REEP1: variants seen among roughly 807,000 people sequenced by gnomAD.
REEP1 encodes the protein receptor expression-enhancing protein 1.
Under a neutral mutation model 40.3 loss-of-function variants are expected in REEP1, and 22 were observed. The ratio of observed to expected loss-of-function variants is 0.55; its 90% CI spans 0.39 to 0.78. The LOEUF (loss-of-function observed/expected upper bound fraction) is 0.78. Ranked by LOEUF, REEP1 falls within the 30% of genes least tolerant of loss-of-function variation. The probability of loss-of-function intolerance (pLI) is 0.00; values close to 1 mark genes in which losing one functional copy is unlikely to be tolerated. For missense variants in REEP1, 280 were observed against 361.1 expected, an observed-to-expected ratio of 0.78 and a Z score of 1.82; for synonymous variants, 116 against 139.2, an observed-to-expected ratio of 0.83 and a Z score of 1.17.
intron 1 of REEP1, among the ~76,000 whole-genome samples, chr2:86,320,014 A>C (rs1680208748): frequency 6.6e-6 from 1 of 152,258 alleles, no homozygotes; most frequent in Non-Finnish European, 1.5e-5. Flanking sequence ...TCTAGTCTGC[A>C]GAACTGTGAG....
chr2:86,235,291 A>T (rs1462086890), intron 5 of REEP1, among the ~76,000 whole-genome samples: 1 of 152,202 alleles, frequency 6.6e-6, no homozygotes, highest in East Asian at 1.9e-4. Context: ...TTCAAATTCC[A>T]GCCCTGTCAT....
At chr2:86,298,647 T>C (rs1344461995) in intron 1 of REEP1, among the ~76,000 whole-genome samples, 2 of 152,232 alleles carry the variant, frequency 1.3e-5, no homozygotes, top group African/African-American at 4.8e-5. Flanking sequence ...AACTGGGCCC[T>C]CTACCCTCCA....
intron 1 of REEP1, among the ~76,000 whole-genome samples, chr2:86,335,573 G>A (rs374237533): frequency 2.6e-5 from 4 of 152,222 alleles, no homozygotes; most frequent in Non-Finnish European, 4.4e-5. Context: ...GGGAGGAGCC[G>A]GGCGTGGTAG....
intron 1 of REEP1, among the ~76,000 whole-genome samples, chr2:86,301,900 C>T (rs1679270538): frequency 6.6e-6 from 1 of 152,266 alleles, no homozygotes. Context: ...CCCACATTTG[C>T]TGCTGGGATT....
chr2:86,261,756 G>A (rs1032197187), intron 3 of REEP1, among the ~76,000 whole-genome samples: 3 of 152,320 alleles, frequency 2.0e-5, no homozygotes, highest in Middle Eastern at 6.8e-3. Context: ...ATAAGAGGAA[G>A]GCATGCCTTT....
At chr2:86,298,799 G>A (rs1183993535) in intron 1 of REEP1, among the ~76,000 whole-genome samples, 1 of 152,232 alleles carries the variant, frequency 6.6e-6, no homozygotes, top group Non-Finnish European at 1.5e-5. Flanking sequence ...GCAGGAAGGA[G>A]AATGGTCAAA....
intron 5 of REEP1, among the ~76,000 whole-genome samples, chr2:86,242,755 A>T (rs1675731258): frequency 6.6e-6 from 1 of 152,198 alleles, no homozygotes; most frequent in African/African-American, 2.4e-5. Flanking sequence ...TACAGGACTT[A>T]AACAGGAAGG....
chr2:86,228,192 C>T (rs774212151), intron 6 of REEP1, among the ~76,000 whole-genome samples: 18 of 152,188 alleles, frequency 1.2e-4, no homozygotes, highest in Non-Finnish European at 2.2e-4. Flanking sequence ...ACCCTGTGTC[C>T]TCACTGCACA....
At position 86,253,694 on chromosome 2, in the gene REEP1, C is replaced by T. The variant is rs566968384; in HGVS notation, c.303+1000G>A. Among the ~76,000 whole-genome samples, 78 of 152,336 alleles carry T rather than the reference C, an allele frequency of 5.1e-4. 1 individual carries two copies. The highest frequency in any genetic ancestry group is 5.0e-3 in the Admixed American group (77 of 15,304). ...CACCCTTCTGAGACAGGAAGTGCTG[C>T]GGTCCGAGTTCCTAAAGAGATTTTC... is the stretch of plus-strand genomic sequence containing the variant. On this transcript the variant is annotated intron_variant, in intron 4 of 8. Transcript: ENST00000538924.
intron 5 of REEP1, among the ~76,000 whole-genome samples, chr2:86,234,784 G>A (rs561017851): frequency 6.6e-4 from 101 of 152,346 alleles, no homozygotes; most frequent in South Asian, 2.5e-3. Flanking sequence ...AAGGTCTCAC[G>A]TCCTTGGCAG....
intron 1 of REEP1, among the ~76,000 whole-genome samples, chr2:86,316,286 C>T (rs1486796367): frequency 6.6e-6 from 1 of 152,040 alleles, no homozygotes. Flanking sequence ...CGCCTGTAAT[C>T]CTAGCACTTT....
chr2:86,249,625 A>T lies in REEP1; in HGVS notation c.417+2332T>A, dbSNP rs538331645. 7.2e-5 allele frequency among the ~76,000 whole-genome samples: 11 copies of T among 152,212 alleles called. No individual in the cohort carries two copies. The East Asian group carries it at 7.7e-4, about 11-fold the overall frequency. ...GCACATCTGAGAATCTATTAAAAAA[A>T]AAATAAAAAGCAAAGCTCTCCAGGT... is the stretch of plus-strand genomic sequence containing the variant. On this transcript the variant is annotated intron_variant, in intron 5 of 8. Coordinates refer to ENST00000538924, the MANE Select transcript of REEP1 (RefSeq NM_001371279.1).
At chr2:86,223,363 C>T (rs1272729232) in intron 7 of REEP1, 4 of 152,300 alleles carry the variant, frequency 2.6e-5, no homozygotes, top group Non-Finnish European at 4.4e-5. Context: ...AGGGCTGCCG[C>T]ACCCCTGCAG....
chr2:86,259,589 T>G (rs1354485731), intron 3 of REEP1, among the ~76,000 whole-genome samples: 1 of 151,978 alleles, frequency 6.6e-6, no homozygotes, highest in Non-Finnish European at 1.5e-5. Context: ...GGTTTCACCA[T>G]GTTTGCCAGG....
chr2:86,302,721 A>G (rs1452678010), intron 1 of REEP1, among the ~76,000 whole-genome samples: 2 of 152,218 alleles, frequency 1.3e-5, no homozygotes, highest in Non-Finnish European at 2.9e-5. Context: ...TGTTAAGTGG[A>G]AATGCAAGAT....
chr2:86,229,839 C>A (rs1299228038), intron 6 of REEP1, among the ~76,000 whole-genome samples: 1 of 151,888 alleles, frequency 6.6e-6, no homozygotes, highest in Non-Finnish European at 1.5e-5. Context: ...CTTGAACTCC[C>A]GACCTCTGGT....
chr2:86,255,713 A>C (rs1258092831), intron 3 of REEP1, among the ~76,000 whole-genome samples: 1 of 152,178 alleles, frequency 6.6e-6, no homozygotes, highest in East Asian at 1.9e-4. Context: ...GAGATTTATA[A>C]AATAATCACA....
chr2:86,288,502 C>A (rs1345627090), intron 1 of REEP1, among the ~76,000 whole-genome samples: 1 of 152,130 alleles, frequency 6.6e-6, no homozygotes, highest in Non-Finnish European at 1.5e-5. Context: ...ACTATATGAA[C>A]ATATTATAGT....
At chr2:86,277,600 A>G (rs1327334968) in intron 2 of REEP1, among the ~76,000 whole-genome samples, 1 of 151,820 alleles carries the variant, frequency 6.6e-6, no homozygotes, top group Non-Finnish European at 1.5e-5. Flanking sequence ...ACAGCCCTAC[A>G]GAGGCAAAAC....
Sources: gnomAD v4.1 joint callset for allele counts (sites outside exome capture counted in the v4.1 genomes callset) on GRCh38, gnomAD v4.1.1 for gene constraint, MANE v1.5 for transcripts, NCBI Gene and HGNC (gene_info 2026-07-23, HGNC 2026-07-21) for gene names.